GPR149: variants seen among roughly 807,000 people sequenced by gnomAD.
GPR149 encodes probable G protein-coupled receptor 149.
In GPR149, 50 loss-of-function variants were observed where a neutral mutation model predicts 50.2. The observed-to-expected ratio is 1.00, with a 90% CI of 0.79 to 1.26. The LOEUF is 1.26. Among genes scored for constraint, GPR149 ranks in the 50% most tolerant of loss-of-function variants. The pLI is 0.00. For missense variants in GPR149, 983 were observed against 895.4 expected, an observed-to-expected ratio of 1.10 and a Z score of -1.25; for synonymous variants, 405 against 358.2, an observed-to-expected ratio of 1.13 and a Z score of -1.48.
At chr3:154,340,250 A>G (rs534630187) in intron 3 of GPR149, among the ~76,000 whole-genome samples, 1 of 152,294 alleles carries the variant, frequency 6.6e-6, no homozygotes, top group African/African-American at 2.4e-5. Context: ...TTGCACGATA[A>G]AGTTTTGGAA....
At chr3:154,376,203 G>A (rs1388098463) in intron 3 of GPR149, among the ~76,000 whole-genome samples, 1 of 134,350 alleles carries the variant, frequency 7.4e-6, no homozygotes, top group Non-Finnish European at 1.7e-5. Context: ...ATGTATTCCT[G>A]TTTTTATCAT....
chr3:154,342,771 TAA>T (rs1713826065), intron 3 of GPR149, among the ~76,000 whole-genome samples: 1 of 120,004 alleles, frequency 8.3e-6, no homozygotes, highest in Non-Finnish European at 1.9e-5. Context: ...ATGCCCTCCA[TAA>T]AACATAAACA....
At chr3:154,383,492 G>GAAGT (rs1559980948) in intron 3 of GPR149, among the ~76,000 whole-genome samples, 3 of 152,078 alleles carry the variant, frequency 2.0e-5, no homozygotes. Context: ...CACACTGCTT[G>GAAGT]CCATATCGAA....
chr3:154,337,948 A>G lies in GPR149; in HGVS notation c.1947T>C (p.Ser649=). 1 of 1,613,618 alleles carries G rather than the reference A, an allele frequency of 6.2e-7. No homozygotes were observed. Among genetic ancestry groups the G allele is most frequent in the Non-Finnish European group, 8.5e-7 (1 of 1,179,708 alleles). ...NISQSSTQVR[S]PSLRYSRKEN... is the part of the protein sequence containing the mutation. ...CTTTCCTGGAGTAACGTAGGGATGG[A>G]GATCTGACTTGTGTGGAGGACTGAC... The change falls in exon 4 of 4, where the codon TCT becomes TCC. Residue 649 remains serine (S), a synonymous_variant. Transcript: ENST00000389740.
chr3:154,421,117 C>T lies in GPR149; in HGVS notation c.1545G>A (p.Leu515=). ...TTFSEGPERR[L]SHEESQKPDL... ...CTGGTTTCTGACTCTCTTCATGAGA[C>T]AGTCTTCTTTCTGGCCCTTCAGAAA... Residue 515 remains leucine (L), a synonymous_variant, in exon 3 of 4, where the codon CTG becomes CTA. Coordinates refer to ENST00000389740, the MANE Select transcript of GPR149 (RefSeq NM_001038705.3). The T allele has an allele frequency of 1.2e-6, 2 of 1,613,286 alleles. No homozygotes were observed. The highest frequency in any genetic ancestry group is 1.3e-5 in the African/African-American group (1 of 74,992).
intron 3 of GPR149, among the ~76,000 whole-genome samples, chr3:154,341,761 A>C (rs926362837): frequency 6.6e-6 from 1 of 152,152 alleles, no homozygotes; most frequent in Non-Finnish European, 1.5e-5. Flanking sequence ...GCTTGCAGAT[A>C]ACCAAGAAAA....
At chr3:154,369,865 T>C (rs1248776817) in intron 3 of GPR149, among the ~76,000 whole-genome samples, 1 of 152,202 alleles carries the variant, frequency 6.6e-6, no homozygotes, top group East Asian at 1.9e-4. Context: ...AGCCCGGCAA[T>C]TTGGGGATCT....
chr3:154,353,936 T>A, intron 3 of GPR149: 1 of 512,148 alleles, frequency 2.0e-6, no homozygotes, highest in Non-Finnish European at 3.6e-6. Flanking sequence ...TTCTTTCTGT[T>A]CACATGTTAA....
intron 3 of GPR149, among the ~76,000 whole-genome samples, chr3:154,410,346 C>A (rs1411599377): frequency 1.3e-5 from 2 of 152,010 alleles, no homozygotes; most frequent in Non-Finnish European, 2.9e-5. Flanking sequence ...ATTCAGGCAA[C>A]AAATAGCATG....
At chr3:154,377,832 T>C (rs1714828120) in intron 3 of GPR149, among the ~76,000 whole-genome samples, 3 of 152,156 alleles carry the variant, frequency 2.0e-5, no homozygotes, top group Admixed American at 2.0e-4. Context: ...CCCACAGAAA[T>C]TGCTTCATGC....
chr3:154,403,812 T>A (rs1166931428), intron 3 of GPR149, among the ~76,000 whole-genome samples: 1 of 151,254 alleles, frequency 6.6e-6, no homozygotes, highest in Non-Finnish European at 1.5e-5. Flanking sequence ...GCTGCCAGCA[T>A]GTAAATATGA....
chr3:154,393,813 G>A (rs1316029647), intron 3 of GPR149, among the ~76,000 whole-genome samples: 1 of 151,884 alleles, frequency 6.6e-6, no homozygotes, highest in East Asian at 1.9e-4. Context: ...AAACAATCCT[G>A]TTTACAATAG....
intron 3 of GPR149, among the ~76,000 whole-genome samples, chr3:154,403,793 A>AT (rs1711606576): frequency 6.6e-6 from 1 of 151,238 alleles, no homozygotes; most frequent in Non-Finnish European, 1.5e-5. Context: ...CTCTATGAAA[A>AT]AAAAAAGAGC....
At chr3:154,364,841 T>A (rs1435886449) in intron 3 of GPR149, among the ~76,000 whole-genome samples, 1 of 152,206 alleles carries the variant, frequency 6.6e-6, no homozygotes, top group Non-Finnish European at 1.5e-5. Context: ...CAAGCTGGGA[T>A]TGCACTCTGG....
At chr3:154,352,084 A>G (rs961523247) in intron 3 of GPR149, 14 of 553,440 alleles carry the variant, frequency 2.5e-5, no homozygotes, top group Non-Finnish European at 3.6e-5. Context: ...GATAATATAC[A>G]TAATTAGGCA....
intron 3 of GPR149, among the ~76,000 whole-genome samples, chr3:154,345,613 C>G (rs147386792): frequency 6.6e-6 from 1 of 152,278 alleles, no homozygotes; most frequent in African/African-American, 2.4e-5. Context: ...TGTAAACACA[C>G]TAGCACACAT....
At chr3:154,344,406 A>G (rs1713875411) in intron 3 of GPR149, among the ~76,000 whole-genome samples, 1 of 152,244 alleles carries the variant, frequency 6.6e-6, no homozygotes, top group South Asian at 2.1e-4. Context: ...CATTAATTGA[A>G]AGAAGTAGAA....
intron 3 of GPR149, among the ~76,000 whole-genome samples, chr3:154,365,189 T>G (rs1430760744): frequency 6.6e-6 from 1 of 152,170 alleles, no homozygotes; most frequent in East Asian, 1.9e-4. Context: ...TGTTGATACC[T>G]TTTAACCCCA....
chr3:154,409,711 C>T (rs1209516668), intron 3 of GPR149, among the ~76,000 whole-genome samples: 1 of 151,988 alleles, frequency 6.6e-6, no homozygotes, highest in African/African-American at 2.4e-5. Context: ...ATGTACAAAG[C>T]CTACAAGAAG....
Sources: allele counts gnomAD v4.1 joint callset (sites outside exome capture counted in the v4.1 genomes callset), GRCh38; gene constraint gnomAD v4.1.1; transcripts MANE v1.5; gene names NCBI Gene and HGNC (gene_info 2026-07-23, HGNC 2026-07-21).